The following PSMD1 variants were observed in gnomAD, a reference collection of about 807,000 sequenced individuals.
PSMD1 encodes the protein proteasome 26S subunit, non-ATPase 1.
Under a neutral mutation model 119.0 loss-of-function variants are expected in PSMD1, and 18 were observed. The ratio of observed to expected loss-of-function variants is 0.15; its 90% CI spans 0.10 to 0.22. PSMD1 has a LOEUF of 0.22. PSMD1 is among the 10% of genes least tolerant of loss of function. PSMD1 has a pLI of 1.00. For synonymous variants in PSMD1, 374 were observed against 396.6 expected (o/e 0.94, Z 0.68); for missense variants, 702 against 1,158.5 (o/e 0.61, Z 5.72).
chr2:231,126,216 T>C (rs551363898), intron 16 of PSMD1, among the ~76,000 whole-genome samples: 16 of 152,148 alleles, frequency 1.1e-4, no homozygotes, highest in South Asian at 8.3e-4. Flanking sequence ...TTGGGCAACA[T>C]GGCAAAACCC....
At position 231,067,038 on chromosome 2, in the gene PSMD1, A is replaced by G; in HGVS notation, c.437A>G (p.Lys146Arg). Residue 146 changes from lysine (K) to arginine (R), a missense_variant, in exon 5 of 25, where the codon AAG becomes AGG. Lys to Arg is a conservative substitution (Grantham distance 26). Transcript: ENST00000308696. The stretch of plus-strand genomic sequence containing the variant: ...TTCCAGCGATGTCTAGATGATCACA[A>G]GTATAAACAGGCTATTGGCATTGCT... Reference protein sequence around the residue: ...KMFQRCLDDHKYKQAIGIALE... With the variant: ...KMFQRCLDDHRYKQAIGIALE... The G allele has an allele frequency of 6.2e-7, 1 of 1,614,054 alleles. No homozygotes were observed. Among genetic ancestry groups the G allele is most frequent in the Non-Finnish European group, 8.5e-7 (1 of 1,180,004 alleles).
intron 16 of PSMD1, chr2:231,109,175 G>T (rs745365491): frequency 6.2e-7 from 1 of 1,614,208 alleles, no homozygotes; most frequent in South Asian, 1.1e-5. Context: ...TGTAGACACA[G>T]TCAACCATGT....
intron 16 of PSMD1, chr2:231,108,607 G>T (rs965524736): frequency 1.2e-6 from 2 of 1,613,686 alleles, no homozygotes; most frequent in African/African-American, 2.7e-5. Flanking sequence ...AAGACTGAAT[G>T]GTTGAACTTC....
At position 231,079,624 on chromosome 2, in the gene PSMD1, A is replaced by G. The variant is rs1559222018; in HGVS notation, c.1239+10A>G. ...GGGTGTAATTCATAAGGTAATATATATTGGTCAGTGTATACAGGCATCAGA... is the reference window on the plus strand; with the variant it reads ...GGGTGTAATTCATAAGGTAATATATGTTGGTCAGTGTATACAGGCATCAGA... On this transcript the variant is annotated intron_variant, in intron 11 of 24. Transcript: ENST00000308696. 3 of 1,579,184 alleles carry G rather than the reference A, an allele frequency of 1.9e-6. No individual in the cohort carries two copies. The highest frequency in any genetic ancestry group is 2.6e-6 in the Non-Finnish European group (3 of 1,155,546).
intron 16 of PSMD1, among the ~76,000 whole-genome samples, chr2:231,089,293 A>C (rs1694528561): frequency 6.6e-6 from 1 of 152,220 alleles, no homozygotes; most frequent in Non-Finnish European, 1.5e-5. Context: ...TATCCTAAAC[A>C]ACAGATTTTC....
intron 1 of PSMD1, among the ~76,000 whole-genome samples, chr2:231,058,115 C>G (rs1471135810): frequency 6.6e-6 from 1 of 152,150 alleles, no homozygotes; most frequent in African/African-American, 2.4e-5. Flanking sequence ...TTTTTGTCCC[C>G]AAGAGATACA....
At chr2:231,059,838 C>G (rs1326066318) in intron 1 of PSMD1, among the ~76,000 whole-genome samples, 1 of 152,182 alleles carries the variant, frequency 6.6e-6, no homozygotes, top group Non-Finnish European at 1.5e-5. Context: ...GAAGAGAGTT[C>G]TGTTTTGTTT....
intron 19 of PSMD1, 80 bp from the exon 20 acceptor site, chr2:231,161,260 A>T: frequency 7.6e-7 from 1 of 1,321,822 alleles, no homozygotes. Flanking sequence ...AAAGAAAGAA[A>T]GAAAGATATC....
At chr2:231,139,314 CTTTTTT>C (rs60709158) in intron 17 of PSMD1, among the ~76,000 whole-genome samples, 1 of 93,540 alleles carries the variant, frequency 1.1e-5, no homozygotes, top group Non-Finnish European at 2.0e-5. Flanking sequence ...TTTTTTCTTT[CTTTTTT>C]TTTTTTTTTT....
intron 16 of PSMD1, among the ~76,000 whole-genome samples, chr2:231,131,726 C>CACTCCA (rs767194894): frequency 0.014 from 560 of 41,230 alleles, 90 homozygotes; most frequent in African/African-American, 0.018. Flanking sequence ...CCCGCCACTG[C>CACTCCA]ACTCCAGCCT....
chr2:231,059,235 G>T (rs573566069), intron 1 of PSMD1, among the ~76,000 whole-genome samples: 1 of 152,292 alleles, frequency 6.6e-6, no homozygotes, highest in East Asian at 1.9e-4. Context: ...ATTTATTACT[G>T]CCATTTAAGT....
At position 231,083,636 on chromosome 2, in the gene PSMD1, T is replaced by C; in HGVS notation, c.1595T>C (p.Met532Thr). 1 of 1,614,216 alleles carries C rather than the reference T, an allele frequency of 6.2e-7. No homozygotes were observed. Among genetic ancestry groups the C allele is most frequent in the Non-Finnish European group, 8.5e-7 (1 of 1,180,030 alleles). ...AAAAATGCTCAGGCTATTGAGGACATGGTTGGTTATGCACAAGAAACTCAA... is the reference window on the plus strand; with the variant it reads ...AAAAATGCTCAGGCTATTGAGGACACGGTTGGTTATGCACAAGAAACTCAA... The part of the protein sequence containing the change: ...GSKNAQAIED[M>T]VGYAQETQHE... Residue 532 changes from methionine to threonine, a missense_variant, in exon 14 of 25, where the codon ATG (methionine) becomes ACG (threonine). By Grantham distance (81) the Met-to-Thr change is moderately conservative (BLOSUM62 -1). Transcript: ENST00000308696.
chr2:231,154,776 T>G (rs1696449839), intron 19 of PSMD1, among the ~76,000 whole-genome samples: 3 of 152,218 alleles, frequency 2.0e-5, no homozygotes. Context: ...GCCAATTTAT[T>G]TTTCCTTTAA....
At chr2:231,065,459 A>AATT in intron 4 of PSMD1, among the ~76,000 whole-genome samples, 1 of 140,986 alleles carries the variant, frequency 7.1e-6, no homozygotes, top group Non-Finnish European at 1.5e-5. Flanking sequence ...CACCCGGCTA[A>AATT]TTTTTTTTTT....
chr2:231,073,254 G>T (rs1439443941), intron 7 of PSMD1, among the ~76,000 whole-genome samples: 1 of 152,096 alleles, frequency 6.6e-6, no homozygotes. Context: ...TACCATAACA[G>T]ATATAACGAT....
intron 16 of PSMD1, among the ~76,000 whole-genome samples, chr2:231,118,058 CACTT>C (rs1224114665): frequency 6.6e-6 from 1 of 151,548 alleles, no homozygotes; most frequent in Admixed American, 6.5e-5. Context: ...ATGTCTCTGC[CACTT>C]ACTTTGTAAT....
At chr2:231,091,034 G>C (rs896349606) in intron 16 of PSMD1, among the ~76,000 whole-genome samples, 5 of 152,200 alleles carry the variant, frequency 3.3e-5, no homozygotes, top group Admixed American at 6.5e-5. Flanking sequence ...CCGAGTGATA[G>C]ATGAAAGAAG....
At chr2:231,142,163 A>G (rs558244064) in intron 17 of PSMD1, among the ~76,000 whole-genome samples, 173 of 152,314 alleles carry the variant, frequency 1.1e-3, no homozygotes, top group African/African-American at 3.9e-3. Flanking sequence ...GATTATAGGC[A>G]TGAGCCACTG....
chr2:231,106,438 C>A (rs149417002), intron 16 of PSMD1, among the ~76,000 whole-genome samples: 15 of 151,974 alleles, frequency 9.9e-5, no homozygotes, highest in African/African-American at 3.6e-4. Context: ...ACCAACACAG[C>A]GAAACCCCAT....
Sources: allele counts gnomAD v4.1 joint callset (sites outside exome capture counted in the v4.1 genomes callset), GRCh38; gene constraint gnomAD v4.1.1; transcripts MANE v1.5; gene names NCBI Gene and HGNC (gene_info 2026-07-23, HGNC 2026-07-21).